ENPEP: variants seen among roughly 807,000 people sequenced by gnomAD.
ENPEP encodes the protein AP-A.
In ENPEP, 103 loss-of-function variants were observed where a neutral mutation model predicts 114.5. The ratio of observed to expected loss-of-function variants is 0.90; its 90% confidence interval spans 0.77 to 1.06. ENPEP has a LOEUF of 1.06. Among genes scored for constraint, ENPEP ranks in the 50% least tolerant of loss-of-function variants. The pLI, the probability that ENPEP is intolerant of heterozygous loss-of-function variation, is 0.00. For synonymous variants in ENPEP, 420 were observed against 422.0 expected, an observed-to-expected ratio of 1.00 and a Z score of 0.06; for missense variants, 1,196 against 1,161.3, an observed-to-expected ratio of 1.03 and a Z score of -0.43.
At position 110,527,615 on chromosome 4, in the gene ENPEP, C is replaced by T. The variant is rs552243709; in HGVS notation, c.1728-3583C>T. ...TTGTTTTCAGGTGATAATTCAACTA[C>T]GAAAATCATAGAATAATCTCTGTGG... On this transcript the variant is annotated intron_variant, in intron 10 of 19. Coordinates refer to ENST00000265162, the MANE Select transcript of ENPEP (RefSeq NM_001977.4). Among the ~76,000 whole-genome samples the T allele has an allele frequency of 8.5e-5, 13 of 152,154 alleles. No individual in the cohort carries two copies. The South Asian group carries it at 2.5e-3, about 29-fold the overall frequency.
At chr4:110,506,580 T>G in intron 3 of ENPEP, 57 bp from the exon 4 acceptor site, 1 of 1,537,996 alleles carries the variant, frequency 6.5e-7, no homozygotes, top group South Asian at 1.3e-5. Flanking sequence ...TCACAGTTTT[T>G]GTATTTTGTT....
chr4:110,491,484 G>A (rs1456673342), intron 3 of ENPEP, among the ~76,000 whole-genome samples: 4 of 152,064 alleles, frequency 2.6e-5, no homozygotes, highest in African/African-American at 7.2e-5. Flanking sequence ...GTAATAAAAT[G>A]TTTGGGTATA....
intron 3 of ENPEP, among the ~76,000 whole-genome samples, chr4:110,502,315 C>T (rs1426390697): frequency 6.6e-6 from 1 of 152,158 alleles, no homozygotes; most frequent in Non-Finnish European, 1.5e-5. Context: ...GGTTTTGTTG[C>T]AGTTTCTTTT....
intron 3 of ENPEP, chr4:110,500,068 C>T (rs1304530871): frequency 6.6e-6 from 1 of 152,082 alleles, no homozygotes; most frequent in Non-Finnish European, 1.5e-5. Context: ...GGTGCACAGC[C>T]TCATTAAATT....
intron 15 of ENPEP, 37 bp downstream of exon 15, chr4:110,549,456 C>T (rs1727200875): frequency 6.2e-7 from 1 of 1,611,938 alleles, no homozygotes. Context: ...ATTCATTTAA[C>T]ATTTGTTTTT....
chr4:110,514,836 A>C (rs1446650115), intron 7 of ENPEP, among the ~76,000 whole-genome samples: 1 of 152,134 alleles, frequency 6.6e-6, no homozygotes, highest in Non-Finnish European at 1.5e-5. Flanking sequence ...CTTCAGATGA[A>C]AGGAAAGCAA....
rs1469565278 is a variant in ENPEP, at chr4:110,522,113, G to A, written c.1727+1747G>A. On this transcript the variant is annotated intron_variant, in intron 10 of 19. Coordinates refer to ENST00000265162, the MANE Select transcript of ENPEP (RefSeq NM_001977.4). ...AGGCTGGTCTTAAACTCTTGACCTC[G>A]GGTGATCCACCCACTCAGCCTCCCA... 2.0e-5 allele frequency among the ~76,000 whole-genome samples: 3 copies of A among 151,886 alleles called. No homozygotes were observed. In the East Asian group the frequency reaches 5.8e-4, roughly 29 times the overall value.
At chr4:110,532,681 C>T (rs1038883910) in intron 11 of ENPEP, among the ~76,000 whole-genome samples, 5 of 152,074 alleles carry the variant, frequency 3.3e-5, no homozygotes, top group African/African-American at 1.2e-4. Context: ...CTACAAACTA[C>T]CAGCTTTGTC....
At position 110,552,264 on chromosome 4, in the gene ENPEP, C is replaced by A. The variant is rs542196271; in HGVS notation, c.2502-1051C>A. 1.0e-3 allele frequency among the ~76,000 whole-genome samples: 154 copies of A among 152,262 alleles called. No individual in the cohort carries two copies. The Middle Eastern group carries it at 0.01, about 10-fold the overall frequency. On this transcript the variant is annotated intron_variant, in intron 17 of 19. Coordinates refer to ENST00000265162, the MANE Select transcript of ENPEP (RefSeq NM_001977.4). Reference sequence around the variant, plus strand: ...ACAAAAGTACATGCTGAACTATAGACCTGTTCTTAAGGGGTTGTGTTTTCC... The same window carrying A: ...ACAAAAGTACATGCTGAACTATAGAACTGTTCTTAAGGGGTTGTGTTTTCC...
intron 1 of ENPEP, among the ~76,000 whole-genome samples, chr4:110,482,036 A>G (rs1222336536): frequency 6.6e-6 from 1 of 152,218 alleles, no homozygotes; most frequent in African/African-American, 2.4e-5. Context: ...ATCACTGAGG[A>G]AAACCCTTAC....
At chr4:110,521,340 C>T (rs754519096) in intron 10 of ENPEP, among the ~76,000 whole-genome samples, 21 of 151,968 alleles carry the variant, frequency 1.4e-4, no homozygotes, top group Non-Finnish European at 2.8e-4. Flanking sequence ...GATCACAACA[C>T]TGCACTCCAG....
chr4:110,486,323 C>G (rs6812955), intron 1 of ENPEP, among the ~76,000 whole-genome samples: 1 of 151,954 alleles, frequency 6.6e-6, no homozygotes, highest in Non-Finnish European at 1.5e-5. Flanking sequence ...ATAAAATGCA[C>G]GCTCTTCTCA....
chr4:110,542,852 G>A lies in ENPEP; in HGVS notation c.1909G>A (p.Asp637Asn). 12 of 1,613,136 alleles carry A rather than the reference G, an allele frequency of 7.4e-6. No individual in the cohort carries two copies. The highest frequency in any genetic ancestry group is 1.0e-5 in the Non-Finnish European group (12 of 1,179,374). ...TGTAAATTATGAAGTAGCAACTTGGGACTCGATAGCTACAGCGCTCTCCTT... is the reference window on the plus strand; with the variant it reads ...TGTAAATTATGAAGTAGCAACTTGGAACTCGATAGCTACAGCGCTCTCCTT... ...YRVNYEVATW[D>N]SIATALSLNH... Residue 637 changes from aspartate (D) to asparagine (N), a missense_variant, in exon 12 of 20, where the codon GAC (aspartate) becomes AAC (asparagine). Coordinates refer to ENST00000265162, the MANE Select transcript of ENPEP (RefSeq NM_001977.4).
intron 7 of ENPEP, 152 bp from the exon 8 acceptor site, chr4:110,515,225 T>G: frequency 1.6e-6 from 1 of 639,040 alleles, no homozygotes; most frequent in Admixed American, 3.4e-5. Context: ...ATTTTCATCC[T>G]AAAATCATAG....
At chr4:110,485,323 A>G (rs1464574022) in intron 1 of ENPEP, among the ~76,000 whole-genome samples, 1 of 152,198 alleles carries the variant, frequency 6.6e-6, no homozygotes, top group Non-Finnish European at 1.5e-5. Flanking sequence ...TCAGACTCAT[A>G]GGAAAGTTAT....
In ENPEP at chr4:110,564,297, C is replaced by G. The variant is rs886631959; in HGVS notation, c.*2739C>G. 5 of 152,036 alleles carry G rather than the reference C, an allele frequency of 3.3e-5. No homozygotes were observed. Among genetic ancestry groups the G allele is most frequent in the African/African-American group, 4.8e-5 (2 of 41,410 alleles). 9.4% of individuals were successfully genotyped at this position (152,036 alleles called of 1,614,324 possible). ...ATTTGAACCCAGGCAGTTTATCACT[C>G]TAATCTACATTTTAATCTGTATTAG... On this transcript the variant is annotated 3_prime_UTR_variant, in exon 20 of 20. Coordinates refer to ENST00000265162, the MANE Select transcript of ENPEP (RefSeq NM_001977.4).
Position 110,478,954 on chromosome 4 carries a change from G to A in ENPEP, c.644+1896G>A, listed in dbSNP as rs376517095. ...CTAAAAATAGAATTGCTGGGTCAAAGTGTACAAATATACCAAGATATTGTA... is the reference window on the plus strand; with the variant it reads ...CTAAAAATAGAATTGCTGGGTCAAAATGTACAAATATACCAAGATATTGTA... On this transcript the variant is annotated intron_variant, in intron 1 of 19. Coordinates refer to ENST00000265162, the MANE Select transcript of ENPEP (RefSeq NM_001977.4). Among the ~76,000 whole-genome samples the A allele has an allele frequency of 3.3e-5, 5 of 152,306 alleles. No individual in the cohort carries two copies. The East Asian group carries it at 9.6e-4, about 29-fold the overall frequency.
chr4:110,554,145 G>A (rs1240660933), intron 18 of ENPEP, among the ~76,000 whole-genome samples: 2 of 151,856 alleles, frequency 1.3e-5, no homozygotes, highest in African/African-American at 2.4e-5. Flanking sequence ...ATAGAATATA[G>A]AATAAACGTA....
intron 3 of ENPEP, among the ~76,000 whole-genome samples, chr4:110,498,736 A>C (rs1404545822): frequency 6.6e-6 from 1 of 152,116 alleles, no homozygotes; most frequent in Non-Finnish European, 1.5e-5. Flanking sequence ...AGTCTGTTTA[A>C]GCTGATTCTT....
Sources: gnomAD v4.1 joint callset for allele counts (sites outside exome capture counted in the v4.1 genomes callset) on GRCh38, gnomAD v4.1.1 for gene constraint, MANE v1.5 for transcripts, NCBI Gene and HGNC (gene_info 2026-07-23, HGNC 2026-07-21) for gene names.